The following LRRC7 variants were observed in gnomAD, a reference collection of about 807,000 sequenced individuals.
The protein encoded by LRRC7 is leucine-rich repeat-containing protein 7.
Under a neutral mutation model 175.7 loss-of-function variants are expected in LRRC7, and 23 were observed. The ratio of observed to expected loss-of-function variants is 0.13; its 90% CI spans 0.09 to 0.19. The LOEUF (loss-of-function observed/expected upper bound fraction) is 0.19, where lower values mean the gene tolerates loss of function less well. LRRC7 is among the 10% of genes least tolerant of loss of function. LRRC7 has a pLI of 1.00. For synonymous variants in LRRC7, 685 were observed against 680.9 expected, an observed-to-expected ratio of 1.01 and a Z score of -0.09; for missense variants, 1,354 against 1,904.7, an observed-to-expected ratio of 0.71 and a Z score of 5.38.
Position 69,670,182 on chromosome 1 carries a change from G to T in LRRC7, c.3-8199G>T, listed in dbSNP as rs564797443. 1.6e-4 allele frequency among the ~76,000 whole-genome samples: 25 copies of T among 152,178 alleles called. No homozygotes were observed. In the South Asian group the frequency reaches 5.2e-3, roughly 32 times the overall value. On this transcript the variant is annotated intron_variant, in intron 1 of 26. Coordinates refer to ENST00000651989, the MANE Select transcript of LRRC7 (RefSeq NM_001370785.2). ...GCCATTGAAGAGTTAGATATTTATT[G>T]TAGCTGTCAAAGTCTGGGCTTGTTT...
rs1222581838 is a variant in LRRC7 at position 69,963,317 on chromosome 1, AAAG to A, written c.712-17059_712-17057del. On this transcript the variant is annotated intron_variant, in intron 8 of 26. Coordinates refer to ENST00000651989, the MANE Select transcript of LRRC7 (RefSeq NM_001370785.2). ...CAAGACACCGTCTCAAAAAAAAAAA[AAAG>A]AAAGAAAGAAACAAAGAAAAAGAAA... Among the ~76,000 whole-genome samples, 1,190 of 151,340 alleles carry A rather than the reference AAAG, an allele frequency of 7.9e-3. 14 individuals are homozygous for A. Among genetic ancestry groups the A allele is most frequent in the African/African-American group, 0.022 (914 of 41,246 alleles).
In LRRC7 at chr1:70,134,707, T is replaced by G. The variant is rs918750764; in HGVS notation, c.*12820T>G. ...TTTCTTAGCAAATTCAATTTAACCTTCTTTGGGGGTTAATATTTTGTAAGT... is the reference window on the plus strand; with the variant it reads ...TTTCTTAGCAAATTCAATTTAACCTGCTTTGGGGGTTAATATTTTGTAAGT... On this transcript the variant is annotated 3_prime_UTR_variant, in exon 27 of 27. Coordinates refer to ENST00000651989, the MANE Select transcript of LRRC7 (RefSeq NM_001370785.2). 2.5e-4 allele frequency among the ~76,000 whole-genome samples: 38 copies of G among 152,198 alleles called. No homozygotes were observed. Among genetic ancestry groups the G allele is most frequent in the African/African-American group, 9.2e-4 (38 of 41,442 alleles).
chr1:69,857,960 A>G (rs1432423144), intron 7 of LRRC7, among the ~76,000 whole-genome samples: 1 of 152,158 alleles, frequency 6.6e-6, no homozygotes, highest in African/African-American at 2.4e-5. Flanking sequence ...AATACCACAG[A>G]TCTACAACCA....
chr1:70,051,206 T>C (rs1472351442), intron 22 of LRRC7, among the ~76,000 whole-genome samples: 1 of 151,966 alleles, frequency 6.6e-6, no homozygotes, highest in African/African-American at 2.4e-5. Flanking sequence ...CAGATAGAGT[T>C]GGGGAGGATG....
intron 1 of LRRC7, among the ~76,000 whole-genome samples, chr1:69,588,985 C>CTGTGTGTGTGTG (rs138325158): frequency 0.014 from 1,861 of 131,118 alleles, 30 homozygotes; most frequent in African/African-American, 0.038. Flanking sequence ...CTGCTGGGGT[C>CTGTGTGTGTGTG]TGTGTGTGTG....
In LRRC7 at chr1:69,756,255, G is replaced by GA. The variant is rs1336339125; in HGVS notation, c.101-3929dup. On this transcript the variant is annotated intron_variant, in intron 2 of 26. Transcript: ENST00000651989. ...AGACAAAAACATGGAAATTTCAACA[G>GA]AAAAAAATATTTGAATTGTAGGATA... Among the ~76,000 whole-genome samples, 63 of 151,728 alleles carry GA rather than the reference G, an allele frequency of 4.2e-4. 1 individual carries two copies. The highest frequency in any genetic ancestry group is 1.5e-3 in the African/African-American group (61 of 41,436).
intron 7 of LRRC7, among the ~76,000 whole-genome samples, chr1:69,865,390 T>A (rs1684803310): frequency 6.7e-6 from 1 of 149,112 alleles, no homozygotes; most frequent in Non-Finnish European, 1.5e-5. Flanking sequence ...GTGCCAACAC[T>A]AATAGGCACC....
intron 2 of LRRC7, among the ~76,000 whole-genome samples, chr1:69,695,721 A>G (rs1474284347): frequency 1.3e-5 from 2 of 152,160 alleles, no homozygotes; most frequent in African/African-American, 4.8e-5. Context: ...AGCTCCCCAC[A>G]TGCCAGCCGC....
At position 69,582,629 on chromosome 1, in the gene LRRC7, A is replaced by G. The variant is rs779104984; in HGVS notation, c.2+13988A>G. Among the ~76,000 whole-genome samples the G allele has an allele frequency of 7.1e-4, 108 of 152,348 alleles. 1 individual carries two copies. The highest frequency in any genetic ancestry group is 6.8e-3 in the Middle Eastern group (2 of 294). On this transcript the variant is annotated intron_variant, in intron 1 of 26. Transcript: ENST00000651989. ...CTGGTATAAGTGGCTCAGTGATGCC[A>G]TCAGGAACTCCAAGTCATTCCAAAT...
At chr1:69,725,884 T>C (rs1456741138) in intron 2 of LRRC7, among the ~76,000 whole-genome samples, 1 of 152,232 alleles carries the variant, frequency 6.6e-6, no homozygotes, top group East Asian at 1.9e-4. Flanking sequence ...AATCAAGTTT[T>C]GATGCTGCCA....
chr1:69,969,373 T>G (rs1485121176), intron 8 of LRRC7, among the ~76,000 whole-genome samples: 1 of 152,208 alleles, frequency 6.6e-6, no homozygotes, highest in Admixed American at 6.5e-5. Flanking sequence ...AACTATGTGC[T>G]GCCTTCAAGA....
intron 1 of LRRC7, among the ~76,000 whole-genome samples, chr1:69,665,121 A>C (rs1448933036): frequency 6.6e-6 from 1 of 152,076 alleles, no homozygotes; most frequent in Non-Finnish European, 1.5e-5. Flanking sequence ...CTGTAGATAT[A>C]TGGATTTATC....
chr1:70,140,581 C>T lies in LRRC7; in HGVS notation c.*18694C>T, dbSNP rs1349881493. The T allele has an allele frequency of 6.6e-6, 1 of 152,154 alleles. No individual in the cohort carries two copies. Among genetic ancestry groups the T allele is most frequent in the Non-Finnish European group, 1.5e-5 (1 of 68,018 alleles). 9.4% of individuals were successfully genotyped at this position (152,154 alleles called of 1,614,324 possible). A position where few individuals can be genotyped will look rare whatever the true frequency, so the allele number is the denominator to read the frequency against. Reference sequence around the variant, plus strand: ...AAAGTATGACTCTGCTTTTAGCCTTCTGCACAAGACAAAATCCTTCTGGTG... The same window carrying T: ...AAAGTATGACTCTGCTTTTAGCCTTTTGCACAAGACAAAATCCTTCTGGTG... On this transcript the variant is annotated 3_prime_UTR_variant, in exon 27 of 27. Coordinates refer to ENST00000651989, the MANE Select transcript of LRRC7 (RefSeq NM_001370785.2).
intron 8 of LRRC7, among the ~76,000 whole-genome samples, chr1:69,957,919 G>A (rs1250450857): frequency 6.6e-6 from 1 of 151,830 alleles, no homozygotes; most frequent in African/African-American, 2.4e-5. Flanking sequence ...AACATTTTTG[G>A]ATATTTTCAG....
rs767841981 is a variant in LRRC7, at chr1:70,016,451, T to C, written c.1251-14T>C. 5.7e-6 allele frequency: 9 copies of C among 1,566,632 alleles called. No homozygotes were observed. The South Asian group carries it at 9.6e-5, about 17-fold the overall frequency. On this transcript the variant is annotated splice_polypyrimidine_tract_variant and intron_variant, in intron 13 of 26. Coordinates refer to ENST00000651989, the MANE Select transcript of LRRC7 (RefSeq NM_001370785.2). ...ATCTTTACCCATGCTATTAGACTTTTTGTGTTTTTGCAGATTGAAGAATTT... is the reference window on the plus strand; with the variant it reads ...ATCTTTACCCATGCTATTAGACTTTCTGTGTTTTTGCAGATTGAAGAATTT...
chr1:69,952,427 A>G (rs1293397360), intron 8 of LRRC7, among the ~76,000 whole-genome samples: 1 of 152,068 alleles, frequency 6.6e-6, no homozygotes, highest in Non-Finnish European at 1.5e-5. Context: ...TCTCTTCCAC[A>G]GCCACACTGT....
intron 1 of LRRC7, among the ~76,000 whole-genome samples, chr1:69,617,750 A>G (rs1649902038): frequency 6.6e-6 from 1 of 151,860 alleles, no homozygotes; most frequent in African/African-American, 2.4e-5. Flanking sequence ...TCCCACACAT[A>G]GGGTGTACTC....
At chr1:69,820,995 C>T (rs1328031637) in intron 4 of LRRC7, among the ~76,000 whole-genome samples, 1 of 152,134 alleles carries the variant, frequency 6.6e-6, no homozygotes, top group South Asian at 2.1e-4. Context: ...AAAAGCATTC[C>T]TATTTCTCCA....
intron 1 of LRRC7, among the ~76,000 whole-genome samples, chr1:69,671,495 C>A (rs1312171735): frequency 6.6e-6 from 1 of 152,136 alleles, no homozygotes; most frequent in East Asian, 1.9e-4. Context: ...ATTCCCTTAG[C>A]CAACCAGTTG....
Sources: gnomAD v4.1 joint callset for allele counts (sites outside exome capture counted in the v4.1 genomes callset) on GRCh38, gnomAD v4.1.1 for gene constraint, MANE v1.5 for transcripts, NCBI Gene and HGNC (gene_info 2026-07-23, HGNC 2026-07-21) for gene names.